Variants in RIMS1 observed in about 807,000 individuals in gnomAD.
The protein encoded by RIMS1 is regulating synaptic membrane exocytosis protein 1.
RIMS1 carries 83 observed loss-of-function variants against 214.1 expected under a neutral mutation model. That is an observed-to-expected ratio of 0.39 (90% CI 0.32 to 0.47). RIMS1 has a LOEUF of 0.47. Ranked by LOEUF, RIMS1 falls within the 20% of genes least tolerant of loss-of-function variation. The pLI is 0.99. For synonymous variants in RIMS1, 793 were observed against 786.8 expected (o/e 1.01, Z -0.13); for missense variants, 2,050 against 2,161.8 (o/e 0.95, Z 1.03).
At chr6:72,164,480 G>A (rs1037570957) in intron 4 of RIMS1, among the ~76,000 whole-genome samples, 43 of 152,164 alleles carry the variant, frequency 2.8e-4, no homozygotes, top group Non-Finnish European at 5.7e-4. Context: ...CTTCTGCATC[G>A]CTCACGCCTG....
intron 6 of RIMS1, among the ~76,000 whole-genome samples, chr6:72,202,619 T>C (rs2052196088): frequency 6.6e-6 from 1 of 152,174 alleles, no homozygotes; most frequent in South Asian, 2.1e-4. Flanking sequence ...ATAATATTCA[T>C]AGGAGGAAAG....
At chr6:71,920,249 T>C (rs1779598586) in intron 1 of RIMS1, among the ~76,000 whole-genome samples, 1 of 152,182 alleles carries the variant, frequency 6.6e-6, no homozygotes, top group South Asian at 2.1e-4. Context: ...GTATCCTGAA[T>C]TGGATTCTGG....
rs533696513 is a variant in RIMS1, at chr6:72,124,226, T to A, written c.471+24240T>A. 1.9e-3 allele frequency among the ~76,000 whole-genome samples: 294 copies of A among 151,952 alleles called. 4 individuals are homozygous for A. Among genetic ancestry groups the A allele is most frequent in the Non-Finnish European group, 3.6e-3 (243 of 67,840 alleles). On this transcript the variant is annotated intron_variant, in intron 4 of 33. Coordinates refer to ENST00000521978, the MANE Select transcript of RIMS1 (RefSeq NM_014989.7). ...GTAAAGGATTTTATTTCTCCTTCAT[T>A]TATGAAGCTTAGTTTGGCTGGATAT...
At chr6:72,069,472 C>G (rs1830089775) in intron 2 of RIMS1, among the ~76,000 whole-genome samples, 1 of 152,160 alleles carries the variant, frequency 6.6e-6, no homozygotes, top group Non-Finnish European at 1.5e-5. Flanking sequence ...TTTGAGGAAG[C>G]TTTAGTTCTG....
chr6:72,085,693 A>G (rs1331197784), intron 2 of RIMS1, among the ~76,000 whole-genome samples: 1 of 152,164 alleles, frequency 6.6e-6, no homozygotes, highest in Non-Finnish European at 1.5e-5. Context: ...CCTGGAATTT[A>G]TCCCAAACCT....
intron 4 of RIMS1, among the ~76,000 whole-genome samples, chr6:72,106,744 A>G (rs1042652085): frequency 2.0e-5 from 3 of 152,202 alleles, no homozygotes; most frequent in Admixed American, 2.0e-4. Context: ...AGACTAGTGT[A>G]TGATGGTTCC....
chr6:72,179,538 G>A, intron 4 of RIMS1, 37 bp from the exon 5 acceptor site: 1 of 1,427,736 alleles, frequency 7.0e-7, no homozygotes, highest in Non-Finnish European at 9.7e-7. Context: ...TTCCAAGAGG[G>A]CATAAAAATT....
At chr6:71,957,420 T>C (rs1791610141) in intron 1 of RIMS1, among the ~76,000 whole-genome samples, 1 of 152,172 alleles carries the variant, frequency 6.6e-6, no homozygotes. Flanking sequence ...TTTTTAACAA[T>C]AGAGTTGCTA....
chr6:71,993,439 G>T (rs1452082935), intron 2 of RIMS1, among the ~76,000 whole-genome samples: 1 of 152,184 alleles, frequency 6.6e-6, no homozygotes, highest in Non-Finnish European at 1.5e-5. Context: ...CAGGAACATT[G>T]CTATTTTGGT....
At chr6:72,062,692 C>T (rs938707754) in intron 2 of RIMS1, among the ~76,000 whole-genome samples, 3 of 152,060 alleles carry the variant, frequency 2.0e-5, no homozygotes, top group African/African-American at 4.8e-5. Flanking sequence ...AATGTATTGC[C>T]GCACAGTGCT....
intron 4 of RIMS1, among the ~76,000 whole-genome samples, chr6:72,129,845 A>G (rs1396297313): frequency 2.0e-5 from 3 of 152,282 alleles, no homozygotes; most frequent in South Asian, 2.1e-4. Context: ...AGAAACATAC[A>G]TGAATTTTAA....
At chr6:72,290,369 T>C (rs1256705957) in intron 24 of RIMS1, among the ~76,000 whole-genome samples, 1 of 152,146 alleles carries the variant, frequency 6.6e-6, no homozygotes, top group Non-Finnish European at 1.5e-5. Context: ...GCACTTGAGA[T>C]ACAGCTCTAT....
chr6:72,008,909 G>T (rs1809045098), intron 2 of RIMS1, among the ~76,000 whole-genome samples: 1 of 152,138 alleles, frequency 6.6e-6, no homozygotes, highest in Non-Finnish European at 1.5e-5. Context: ...ACATTAGACA[G>T]ATCAACGAGA....
At chr6:72,386,037 A>G (rs1595993483) in intron 29 of RIMS1, among the ~76,000 whole-genome samples, 1 of 152,212 alleles carries the variant, frequency 6.6e-6, no homozygotes, top group Non-Finnish European at 1.5e-5. Flanking sequence ...CACAAAATCA[A>G]GTAAATATAA....
intron 1 of RIMS1, among the ~76,000 whole-genome samples, chr6:71,913,620 A>T (rs1777545318): frequency 6.6e-6 from 1 of 152,148 alleles, no homozygotes; most frequent in African/African-American, 2.4e-5. Flanking sequence ...GAAATGACTC[A>T]AGATCTCCCT....
At chr6:72,257,197 GT>G (rs66601335) in intron 16 of RIMS1, among the ~76,000 whole-genome samples, 8 of 148,346 alleles carry the variant, frequency 5.4e-5, no homozygotes, top group African/African-American at 1.2e-4. Context: ...TGTAAATATA[GT>G]TTTTTTTTTT....
intron 1 of RIMS1, among the ~76,000 whole-genome samples, chr6:71,951,114 G>A (rs775995952): frequency 2.0e-4 from 31 of 152,150 alleles, no homozygotes; most frequent in African/African-American, 3.9e-4. Flanking sequence ...ATCAAAATAA[G>A]CACATATGGA....
intron 2 of RIMS1, among the ~76,000 whole-genome samples, chr6:72,009,719 A>C (rs1233701818): frequency 6.6e-6 from 1 of 152,210 alleles, no homozygotes; most frequent in African/African-American, 2.4e-5. Context: ...TAAACTAGAA[A>C]ATCTAGAAGA....
At chr6:72,377,407 T>C (rs1461078985) in intron 29 of RIMS1, among the ~76,000 whole-genome samples, 6 of 152,118 alleles carry the variant, frequency 3.9e-5, no homozygotes, top group Non-Finnish European at 8.8e-5. Flanking sequence ...TCCATGGATC[T>C]GAAGGTTAGT....
Sources: allele counts gnomAD v4.1 joint callset (sites outside exome capture counted in the v4.1 genomes callset), GRCh38; gene constraint gnomAD v4.1.1; transcripts MANE v1.5; gene names NCBI Gene and HGNC (gene_info 2026-07-23, HGNC 2026-07-21).